The following WDR76 variants were observed in gnomAD, a reference collection of about 807,000 sequenced individuals.
WDR76 encodes WD repeat-containing protein 76.
A neutral mutation model predicts 70.2 loss-of-function variants in WDR76; 52 were observed. The ratio of observed to expected loss-of-function variants is 0.74; its 90% confidence interval spans 0.59 to 0.93. The LOEUF is 0.93. Among genes scored for constraint, WDR76 ranks in the 40% least tolerant of loss-of-function variants. WDR76 has a pLI of 0.00. For missense variants in WDR76, 756 were observed against 760.2 expected, an observed-to-expected ratio of 0.99 and a Z score of 0.07; for synonymous variants, 292 against 271.1, an observed-to-expected ratio of 1.08 and a Z score of -0.76.
rs1009527252 is a variant in WDR76, at chr15:43,868,334, T to G, written c.*1942T>G. On this transcript the variant is annotated 3_prime_UTR_variant, in exon 13 of 13. Coordinates refer to ENST00000263795, the MANE Select transcript of WDR76 (RefSeq NM_024908.4). ...TAAAGATGCTGAAAACTACTCTCAA[T>G]CAAATTAGTACCATCATTTAAGCTT... The G allele has an allele frequency of 6.6e-6, 1 of 152,196 alleles. No individual in the cohort carries two copies. Among genetic ancestry groups the G allele is most frequent in the Non-Finnish European group, 1.5e-5 (1 of 68,036 alleles). The allele number at this position is 152,196 out of a possible 1,614,324, so 9.4% of individuals were successfully genotyped here. A position where few individuals can be genotyped will look rare whatever the true frequency, so the allele number is the denominator to read the frequency against.
chr15:43,866,226 G>C lies in WDR76; in HGVS notation c.1715G>C (p.Arg572Pro). 1 of 1,614,186 alleles carries C rather than the reference G, an allele frequency of 6.2e-7. No individual in the cohort carries two copies. Among genetic ancestry groups the C allele is most frequent in the Admixed American group, 1.7e-5 (1 of 60,008 alleles). ...CVIVGSMAHP[R>P]RVEIFHETGK... ...ATAGTTGGCAGCATGGCCCATCCAC[G>C]ACGGGTAGAAATCTTCCATGAGACA... The change falls in exon 13 of 13, where the codon CGA becomes CCA. Residue 572 changes from arginine to proline, a missense_variant. By Grantham distance (103) the Arg-to-Pro change is moderately radical. Coordinates refer to ENST00000263795, the MANE Select transcript of WDR76 (RefSeq NM_024908.4).
intron 4 of WDR76, among the ~76,000 whole-genome samples, chr15:43,838,506 C>A (rs1043799912): frequency 2.6e-5 from 4 of 152,190 alleles, no homozygotes; most frequent in Non-Finnish European, 5.9e-5. Flanking sequence ...AGTTTTACTA[C>A]CAGTGAGTGT....
chr15:43,840,997 A>G (rs1435180471), intron 5 of WDR76, among the ~76,000 whole-genome samples: 6 of 150,992 alleles, frequency 4.0e-5, no homozygotes, highest in African/African-American at 1.5e-4. Flanking sequence ...GACACTTAAT[A>G]CATGTGGTGC....
rs1284341264 is a variant in WDR76, at chr15:43,828,111, C to T, written c.207C>T (p.Ser69=). The change falls in exon 2 of 13, where the codon TCC becomes TCT. Residue 69 remains serine (S), a synonymous_variant. Coordinates refer to ENST00000263795, the MANE Select transcript of WDR76 (RefSeq NM_024908.4). ...TAGACCAGCTTATGTGCCCCAAATC[C>T]CTATCAGAAAAGAATTCTAACAATG... ...YQLDQLMCPK[S]LSEKNSNNEV... The T allele has an allele frequency of 6.2e-7, 1 of 1,614,148 alleles. No individual in the cohort carries two copies. The highest frequency in any genetic ancestry group is 1.7e-5 in the Admixed American group (1 of 60,010).
chr15:43,831,061 A>C (rs922708628), intron 2 of WDR76, among the ~76,000 whole-genome samples: 7 of 151,162 alleles, frequency 4.6e-5, no homozygotes, highest in African/African-American at 1.7e-4. Flanking sequence ...TTCCCCACCA[A>C]AAAAAAAGAA....
chr15:43,854,762 A>G lies in WDR76; in HGVS notation c.1192-2184A>G, dbSNP rs1473049643. On this transcript the variant is annotated intron_variant, in intron 9 of 12. Coordinates refer to ENST00000263795, the MANE Select transcript of WDR76 (RefSeq NM_024908.4). ...TGAGGAGTTCGAGACCAGCCTGGCC[A>G]ACATGGTGAAACCCCATCTCTACTA... Among the ~76,000 whole-genome samples, 5 of 152,078 alleles carry G rather than the reference A, an allele frequency of 3.3e-5. No homozygotes were observed. The South Asian group carries it at 1.0e-3, about 32-fold the overall frequency.
At chr15:43,851,036 T>G (rs745819510) in intron 8 of WDR76, 51 bp from the exon 9 acceptor site, 3 of 1,599,090 alleles carry the variant, frequency 1.9e-6, no homozygotes, top group South Asian at 2.2e-5. Context: ...CAAAAATCAC[T>G]ATTTTTCACT....
chr15:43,865,029 A>T (rs904235533), intron 12 of WDR76, among the ~76,000 whole-genome samples: 1 of 152,008 alleles, frequency 6.6e-6, no homozygotes, highest in Non-Finnish European at 1.5e-5. Flanking sequence ...GGTTCAAGCA[A>T]TTCTGCCTCA....
At chr15:43,837,268 T>C (rs988097138) in intron 4 of WDR76, among the ~76,000 whole-genome samples, 2 of 152,222 alleles carry the variant, frequency 1.3e-5, no homozygotes, top group African/African-American at 4.8e-5. Context: ...GGTTTGATTC[T>C]GTTACAGGAC....
intron 12 of WDR76, among the ~76,000 whole-genome samples, chr15:43,864,452 A>G (rs1233468463): frequency 6.6e-6 from 1 of 152,070 alleles, no homozygotes; most frequent in East Asian, 1.9e-4. Flanking sequence ...CCATTCTACT[A>G]GATGTAAGGT....
intron 4 of WDR76, among the ~76,000 whole-genome samples, chr15:43,838,574 C>T (rs139170881): frequency 3.9e-5 from 6 of 152,242 alleles, no homozygotes; most frequent in African/African-American, 1.2e-4. Context: ...ATACAATATG[C>T]CTTTTTTATA....
intron 2 of WDR76, among the ~76,000 whole-genome samples, chr15:43,830,562 C>CAAAAA (rs1244207750): frequency 2.0e-5 from 1 of 49,238 alleles, no homozygotes; most frequent in Non-Finnish European, 4.4e-5. Context: ...AACTCCGTCT[C>CAAAAA]AAAAAAAAAA....
In WDR76 at chr15:43,842,430, G is replaced by C. The variant is rs756299510; in HGVS notation, c.748G>C (p.Gly250Arg). Reference protein sequence around the residue: ...VADETPLLPPGPLEMTSENQE... With the variant: ...VADETPLLPPRPLEMTSENQE... ...TTTATAACAGCCTTTGTTACCTCCTGGGCCTTTAGAAATGACTTCTGAAAA... is the reference window on the plus strand; with the variant it reads ...TTTATAACAGCCTTTGTTACCTCCTCGGCCTTTAGAAATGACTTCTGAAAA... Residue 250 changes from glycine to arginine, a missense_variant, in exon 6 of 13, where the codon GGG becomes CGG. Transcript: ENST00000263795. The C allele has an allele frequency of 1.9e-6, 3 of 1,613,730 alleles. No homozygotes were observed. Among genetic ancestry groups the C allele is most frequent in the Non-Finnish European group, 2.5e-6 (3 of 1,179,952 alleles).
intron 1 of WDR76, 33 bp from the exon 2 acceptor site, chr15:43,827,932 T>C: frequency 6.4e-7 from 1 of 1,553,632 alleles, no homozygotes. Flanking sequence ...CTTGGAGTTC[T>C]AATATTCTGT....
chr15:43,842,712 A>C (rs767197569), intron 7 of WDR76, 41 bp downstream of exon 7: 25 of 1,574,430 alleles, frequency 1.6e-5, no homozygotes, highest in Non-Finnish European at 2.1e-5. Flanking sequence ...ATTTTTTGAG[A>C]TGTTTGAGTT....
At chr15:43,833,931 G>A (rs955243165) in intron 2 of WDR76, among the ~76,000 whole-genome samples, 2 of 152,104 alleles carry the variant, frequency 1.3e-5, no homozygotes, top group South Asian at 2.1e-4. Flanking sequence ...CACCACACCC[G>A]GCCTGCCATT....
rs1397101277 is a variant in WDR76 at position 43,867,307 on chromosome 15, C to T, written c.*915C>T. The stretch of plus-strand genomic sequence containing the variant: ...CTGAGACACAGGCAGGACTCCCAAG[C>T]ACCGGGTTGGGATCTGCCCTGGTCC... On this transcript the variant is annotated 3_prime_UTR_variant, in exon 13 of 13. Coordinates refer to ENST00000263795, the MANE Select transcript of WDR76 (RefSeq NM_024908.4). 1.3e-5 allele frequency: 2 copies of T among 152,074 alleles called. No individual in the cohort carries two copies. The highest frequency in any genetic ancestry group is 4.8e-5 in the African/African-American group (2 of 41,382). 9.4% of individuals were successfully genotyped at this position (152,074 alleles called of 1,614,324 possible). A position where few individuals can be genotyped will look rare whatever the true frequency, so the allele number is the denominator to read the frequency against.
intron 4 of WDR76, among the ~76,000 whole-genome samples, chr15:43,837,364 C>A (rs1285995544): frequency 3.3e-5 from 5 of 152,176 alleles, no homozygotes; most frequent in Non-Finnish European, 7.3e-5. Context: ...ATCATTAACA[C>A]TGGAAAAACA....
rs1007432364 is a variant in WDR76, at chr15:43,858,503, C to G, written c.1410-168C>G. 7 of 761,366 alleles carry G rather than the reference C, an allele frequency of 9.2e-6. No individual in the cohort carries two copies. In the African/African-American group the frequency reaches 1.1e-4, roughly 12 times the overall value. 47.2% of individuals were successfully genotyped at this position (761,366 alleles called of 1,614,324 possible). Reference sequence around the variant, plus strand: ...TCAGATGATCCACCTGCCTCCACCTCCCAAAGTGCTGGGATTACAGACTTG... The same window carrying G: ...TCAGATGATCCACCTGCCTCCACCTGCCAAAGTGCTGGGATTACAGACTTG... On this transcript the variant is annotated intron_variant, in intron 10 of 12. Coordinates refer to ENST00000263795, the MANE Select transcript of WDR76 (RefSeq NM_024908.4).
Sources: gnomAD v4.1 joint callset for allele counts (sites outside exome capture counted in the v4.1 genomes callset) on GRCh38, gnomAD v4.1.1 for gene constraint, MANE v1.5 for transcripts, NCBI Gene and HGNC (gene_info 2026-07-23, HGNC 2026-07-21) for gene names.